The following RPRD1A variants were observed in gnomAD, a reference collection of about 807,000 sequenced individuals.
The protein encoded by RPRD1A is regulation of nuclear pre-mRNA domain-containing protein 1A.
A neutral mutation model predicts 37.8 loss-of-function variants in RPRD1A; 9 were observed. That is an observed-to-expected ratio of 0.24 (90% CI 0.14 to 0.42). The LOEUF (loss-of-function observed/expected upper bound fraction) is 0.42, where lower values mean the gene tolerates loss of function less well. RPRD1A is among the 10% of genes least tolerant of loss of function. RPRD1A has a pLI of 1.00. For synonymous variants in RPRD1A, 138 were observed against 139.7 expected (o/e 0.99, Z 0.08); for missense variants, 255 against 371.0 (o/e 0.69, Z 2.57).
chr18:36,059,783 G>A (rs912551690), intron 1 of RPRD1A, among the ~76,000 whole-genome samples: 3 of 152,136 alleles, frequency 2.0e-5, no homozygotes, highest in African/African-American at 7.2e-5. Flanking sequence ...AACTTTACTT[G>A]GATCCTGATT....
At chr18:36,015,155 CACATATAT>C (rs1204060793) in intron 6 of RPRD1A, among the ~76,000 whole-genome samples, 1 of 93,552 alleles carries the variant, frequency 1.1e-5, no homozygotes, top group Non-Finnish European at 2.4e-5. Context: ...CACACACACA[CACATATAT>C]ACACATATAT....
chr18:36,027,418 T>C, intron 4 of RPRD1A, 108 bp from the exon 5 acceptor site: 1 of 1,190,724 alleles, frequency 8.4e-7, no homozygotes, highest in Non-Finnish European at 1.2e-6. Context: ...AGTACAAAGC[T>C]CCTAATATAA....
At chr18:36,022,410 G>A (rs1911056052) in intron 6 of RPRD1A, among the ~76,000 whole-genome samples, 1 of 152,164 alleles carries the variant, frequency 6.6e-6, no homozygotes, top group South Asian at 2.1e-4. Context: ...TGCCACCTGG[G>A]ACTTTCATAG....
At chr18:36,047,395 T>C (rs181543345) in intron 1 of RPRD1A, among the ~76,000 whole-genome samples, 75 of 151,944 alleles carry the variant, frequency 4.9e-4, no homozygotes, top group African/African-American at 6.0e-4. Context: ...ATCAATAATC[T>C]GTAGTAAATT....
At chr18:36,004,748 C>T (rs1909634340) in intron 6 of RPRD1A, among the ~76,000 whole-genome samples, 2 of 152,060 alleles carry the variant, frequency 1.3e-5, no homozygotes, top group Non-Finnish European at 2.9e-5. Flanking sequence ...ACTAAAAATA[C>T]AGAAATTAGC....
At chr18:36,019,258 C>T (rs1403441795) in intron 6 of RPRD1A, among the ~76,000 whole-genome samples, 1 of 152,042 alleles carries the variant, frequency 6.6e-6, no homozygotes, top group Non-Finnish European at 1.5e-5. Flanking sequence ...CAGGAGCCCA[C>T]CACCACGCCT....
At chr18:36,039,795 T>C (rs1912454470) in intron 1 of RPRD1A, among the ~76,000 whole-genome samples, 1 of 152,152 alleles carries the variant, frequency 6.6e-6, no homozygotes, top group Admixed American at 6.5e-5. Flanking sequence ...AGAACCATCA[T>C]TCCGAGGGAA....
intron 1 of RPRD1A, among the ~76,000 whole-genome samples, chr18:36,057,528 C>G (rs184018979): frequency 2.0e-4 from 31 of 152,280 alleles, no homozygotes; most frequent in African/African-American, 6.5e-4. Context: ...GGGAGGATCG[C>G]TTAAGCCCAG....
At chr18:36,048,444 G>T (rs986843538) in intron 1 of RPRD1A, among the ~76,000 whole-genome samples, 1 of 152,084 alleles carries the variant, frequency 6.6e-6, no homozygotes, top group African/African-American at 2.4e-5. Context: ...ACAGATAAGT[G>T]TAATTTATTC....
intron 6 of RPRD1A, among the ~76,000 whole-genome samples, chr18:36,009,062 T>C (rs1910001918): frequency 6.6e-6 from 1 of 152,144 alleles, no homozygotes; most frequent in Non-Finnish European, 1.5e-5. Flanking sequence ...TATAATTTTT[T>C]TTTTGTATTA....
chr18:36,010,259 A>T (rs572187240), intron 6 of RPRD1A, among the ~76,000 whole-genome samples: 3 of 152,244 alleles, frequency 2.0e-5, no homozygotes, highest in African/African-American at 7.2e-5. Flanking sequence ...GCTTGAGCCC[A>T]GGAATTCAAG....
At chr18:36,047,208 G>GAAATAAAT (rs111354358) in intron 1 of RPRD1A, among the ~76,000 whole-genome samples, 3,362 of 150,068 alleles carry the variant, frequency 0.022, 118 homozygotes, top group African/African-American at 0.073. Flanking sequence ...ACCCTGTCTC[G>GAAATAAAT]AAATAAATAA....
At chr18:36,022,182 A>G (rs1911038789) in intron 6 of RPRD1A, among the ~76,000 whole-genome samples, 1 of 152,212 alleles carries the variant, frequency 6.6e-6, no homozygotes, top group Non-Finnish European at 1.5e-5. Flanking sequence ...AGCCTGAGGG[A>G]GGTAAAGAAG....
chr18:36,058,095 C>G (rs756906425), intron 1 of RPRD1A, among the ~76,000 whole-genome samples: 10 of 152,214 alleles, frequency 6.6e-5, no homozygotes, highest in African/African-American at 9.6e-5. Flanking sequence ...CCAGGCCAGA[C>G]TGCACTGGTC....
intron 6 of RPRD1A, among the ~76,000 whole-genome samples, chr18:36,009,712 T>C (rs1239359776): frequency 6.6e-6 from 1 of 152,228 alleles, no homozygotes; most frequent in Non-Finnish European, 1.5e-5. Context: ...ACTGTGACAA[T>C]GGAAATGTTC....
chr18:35,994,568 A>G (rs2144133587), intron 6 of RPRD1A, among the ~76,000 whole-genome samples: 1 of 152,308 alleles, frequency 6.6e-6, no homozygotes, highest in East Asian at 1.9e-4. Flanking sequence ...TATCTGAGAT[A>G]GCAGAGAGGG....
At chr18:36,014,156 TGCCA>T (rs1239740314) in intron 6 of RPRD1A, among the ~76,000 whole-genome samples, 7 of 152,194 alleles carry the variant, frequency 4.6e-5, no homozygotes, top group Non-Finnish European at 7.3e-5. Flanking sequence ...TTTCTATTAC[TGCCA>T]GCATGTGTCA....
intron 6 of RPRD1A, among the ~76,000 whole-genome samples, chr18:35,997,269 C>A (rs1443652239): frequency 6.6e-6 from 1 of 152,096 alleles, no homozygotes; most frequent in Non-Finnish European, 1.5e-5. Flanking sequence ...TGACTTTTCT[C>A]ATATCTCAAC....
At chr18:36,058,668 T>C (rs2144410607) in intron 1 of RPRD1A, among the ~76,000 whole-genome samples, 1 of 152,344 alleles carries the variant, frequency 6.6e-6, no homozygotes, top group Non-Finnish European at 1.5e-5. Flanking sequence ...CAAAGCAATG[T>C]ATCCTAGTCT....
Sources: allele counts gnomAD v4.1 joint callset (sites outside exome capture counted in the v4.1 genomes callset), GRCh38; gene constraint gnomAD v4.1.1; transcripts MANE v1.5; gene names NCBI Gene and HGNC (gene_info 2026-07-23, HGNC 2026-07-21).